Variants in BICDL1 observed in about 807,000 individuals in gnomAD.
The protein encoded by BICDL1 is BICD family like cargo adaptor 1, also known as BICD family-like cargo adapter 1.
BICDL1 carries 20 observed loss-of-function variants against 76.8 expected under a neutral mutation model. That is an observed-to-expected ratio of 0.26 (90% CI 0.18 to 0.38). The LOEUF (loss-of-function observed/expected upper bound fraction) is 0.38, where lower values mean the gene tolerates loss of function less well. Among genes scored for constraint, BICDL1 ranks in the 10% least tolerant of loss-of-function variants. BICDL1 has a pLI of 1.00. For synonymous variants in BICDL1, 383 were observed against 337.1 expected, an observed-to-expected ratio of 1.14 and a Z score of -1.49; for missense variants, 700 against 798.6, an observed-to-expected ratio of 0.88 and a Z score of 1.49.
At chr12:120,011,128 A>G (rs958150799) in intron 2 of BICDL1, among the ~76,000 whole-genome samples, 2 of 152,158 alleles carry the variant, frequency 1.3e-5, no homozygotes, top group African/African-American at 4.8e-5. Context: ...GCCATCTTCC[A>G]TCTTGTGACT....
At chr12:120,055,507 AC>A (rs1952954637) in intron 2 of BICDL1, among the ~76,000 whole-genome samples, 2 of 152,236 alleles carry the variant, frequency 1.3e-5, no homozygotes, top group Admixed American at 1.3e-4. Flanking sequence ...ACACACTGTT[AC>A]TTTGTTTTGC....
intron 2 of BICDL1, among the ~76,000 whole-genome samples, chr12:120,043,130 C>A (rs1952677551): frequency 6.6e-6 from 1 of 152,146 alleles, no homozygotes; most frequent in South Asian, 2.1e-4. Context: ...CAATGCTCAT[C>A]CTGTAGCGTT....
At chr12:120,028,828 A>G (rs1335583064) in intron 2 of BICDL1, among the ~76,000 whole-genome samples, 1 of 152,174 alleles carries the variant, frequency 6.6e-6, no homozygotes, top group African/African-American at 2.4e-5. Flanking sequence ...TCTAGCCTGG[A>G]CAACATAGTG....
Position 120,071,851 on chromosome 12 carries a change from G to C in BICDL1, c.1089+50G>C. 6.7e-7 allele frequency: 1 copy of C among 1,501,962 alleles called. No homozygotes were observed. Among genetic ancestry groups the C allele is most frequent in the Non-Finnish European group, 8.9e-7 (1 of 1,125,574 alleles). 93.0% of individuals were successfully genotyped at this position (1,501,962 alleles called of 1,614,324 possible). ...AGGCGAGGCTACCTGGGGTTGCTTA[G>C]GTCTCATCCTCCTCCCTAGTGCTCA... On this transcript the variant is annotated intron_variant, in intron 5 of 9. Coordinates refer to ENST00000548673, the MANE Select transcript of BICDL1 (RefSeq NM_001367886.1). The surrounding 1 kb of genome is among the most constrained non-coding windows in gnomAD (Gnocchi z 4.8).
intron 2 of BICDL1, among the ~76,000 whole-genome samples, chr12:120,045,780 GA>G (rs1346600620): frequency 1.8e-4 from 24 of 130,988 alleles, no homozygotes; most frequent in Non-Finnish European, 6.4e-5. Flanking sequence ...GGGATGGGGG[GA>G]GGGGGGAGGG....
Position 119,989,583 on chromosome 12 carries a change from C to G in BICDL1, c.-286C>G, listed in dbSNP as rs922570009. On this transcript the variant is annotated 5_prime_UTR_variant, in exon 1 of 10. Coordinates refer to ENST00000548673, the MANE Select transcript of BICDL1 (RefSeq NM_001367886.1). Reference sequence around the variant, plus strand: ...AGTCTCTGTTCCTGAGTCCTCCCTTCCCCAGCCTTCCCGTTCCCACCACCT... The same window carrying G: ...AGTCTCTGTTCCTGAGTCCTCCCTTGCCCAGCCTTCCCGTTCCCACCACCT... Among the ~76,000 whole-genome samples, 2 of 150,424 alleles carry G rather than the reference C, an allele frequency of 1.3e-5. No homozygotes were observed. Among genetic ancestry groups the G allele is most frequent in the African/African-American group, 4.9e-5 (2 of 41,232 alleles).
At chr12:120,049,814 T>C (rs1952818550) in intron 2 of BICDL1, among the ~76,000 whole-genome samples, 1 of 152,244 alleles carries the variant, frequency 6.6e-6, no homozygotes, top group Non-Finnish European at 1.5e-5. Flanking sequence ...TCCAATTTGG[T>C]AATTTTCTCT....
intron 3 of BICDL1, among the ~76,000 whole-genome samples, chr12:120,064,032 T>C (rs879233883): frequency 1.3e-5 from 2 of 152,210 alleles, no homozygotes; most frequent in Non-Finnish European, 1.5e-5. Context: ...TACGAACATA[T>C]CAACCTGTTT....
intron 2 of BICDL1, chr12:120,057,073 C>T: frequency 3.8e-6 from 2 of 521,944 alleles, no homozygotes; most frequent in Admixed American, 1.9e-5. Context: ...GGCTGTCCTC[C>T]TCCACCTCTG....
chr12:120,081,535 G>T (rs868341607), intron 8 of BICDL1, among the ~76,000 whole-genome samples: 1 of 151,678 alleles, frequency 6.6e-6, no homozygotes, highest in East Asian at 1.9e-4. Flanking sequence ...TTTTAGTAGA[G>T]ACAGGGTTTC....
chr12:120,023,978 G>T (rs1381247523), intron 2 of BICDL1, among the ~76,000 whole-genome samples: 1 of 151,700 alleles, frequency 6.6e-6, no homozygotes, highest in Admixed American at 6.6e-5. Context: ...AAACATGGAA[G>T]ATATAAAACA....
intron 8 of BICDL1, among the ~76,000 whole-genome samples, chr12:120,086,953 A>AG (rs1379679123): frequency 6.6e-6 from 1 of 152,160 alleles, no homozygotes; most frequent in Admixed American, 6.5e-5. Context: ...TTGGCAAGGA[A>AG]GGGAACCCCA....
chr12:119,993,178 T>C (rs1279549152), intron 1 of BICDL1: 1 of 151,832 alleles, frequency 6.6e-6, no homozygotes, highest in Non-Finnish European at 1.5e-5. Context: ...TTAGCCAAGA[T>C]GTTCTCGAGC....
At chr12:120,078,712 G>C (rs375028848) in intron 7 of BICDL1, among the ~76,000 whole-genome samples, 134 of 152,338 alleles carry the variant, frequency 8.8e-4, no homozygotes, top group African/African-American at 2.9e-3. Context: ...TGTCTGGTAG[G>C]CTGTAACTCG....
At chr12:120,045,917 TATAATA>T (rs72097325) in intron 2 of BICDL1, among the ~76,000 whole-genome samples, 4 of 137,634 alleles carry the variant, frequency 2.9e-5, no homozygotes, top group East Asian at 2.0e-4. Flanking sequence ...CTTAAAGTAT[TATAATA>T]ATAATAATAA....
intron 8 of BICDL1, among the ~76,000 whole-genome samples, chr12:120,088,062 G>T (rs1461562786): frequency 1.3e-5 from 2 of 152,108 alleles, no homozygotes; most frequent in African/African-American, 4.8e-5. Flanking sequence ...CTGAGTAGCT[G>T]GGATTACAGG....
chr12:120,090,251 T>C (rs1874845688), intron 9 of BICDL1, 180 bp downstream of exon 9: 2 of 682,704 alleles, frequency 2.9e-6, no homozygotes, highest in African/African-American at 3.6e-5. Flanking sequence ...GAAGAATGCT[T>C]AAGGATGCTT....
intron 8 of BICDL1, among the ~76,000 whole-genome samples, chr12:120,086,743 A>C (rs986660194): frequency 6.6e-6 from 1 of 152,262 alleles, no homozygotes; most frequent in Admixed American, 6.5e-5. Flanking sequence ...CAAGTCAGTT[A>C]CTAGTGGTTT....
At chr12:120,008,420 A>G (rs941759349) in intron 2 of BICDL1, among the ~76,000 whole-genome samples, 21 of 152,066 alleles carry the variant, frequency 1.4e-4, no homozygotes, top group East Asian at 1.9e-4. Flanking sequence ...TGGCCTCCCA[A>G]AATGCTGGGA....
Sources: allele counts gnomAD v4.1 joint callset (sites outside exome capture counted in the v4.1 genomes callset), GRCh38; gene constraint gnomAD v4.1.1; non-coding constraint Gnocchi (gnomAD v3.1); transcripts MANE v1.5; gene names NCBI Gene and HGNC (gene_info 2026-07-23, HGNC 2026-07-21).